The following C4orf50 variants were observed in gnomAD, a reference collection of about 807,000 sequenced individuals.
C4orf50 encodes uncharacterized protein C4orf50.
In C4orf50, 80 loss-of-function variants were observed where a neutral mutation model predicts 77.2. The ratio of observed to expected loss-of-function variants is 1.04; its 90% CI spans 0.87 to 1.25. The LOEUF is 1.25. Among genes scored for constraint, C4orf50 ranks in the 50% most tolerant of loss-of-function variants. The pLI is 0.00. For missense variants in C4orf50, 1,257 were observed against 1,152.9 expected, an observed-to-expected ratio of 1.09 and a Z score of -1.31; for synonymous variants, 532 against 465.3, an observed-to-expected ratio of 1.14 and a Z score of -1.84.
intron 28 of C4orf50, among the ~76,000 whole-genome samples, chr4:5,982,025 TA>T (rs1720618288): frequency 6.6e-6 from 1 of 152,112 alleles, no homozygotes; most frequent in African/African-American, 2.4e-5. Flanking sequence ...GCATCTCTCA[TA>T]ATAAAATATA....
At chr4:5,967,049 T>C (rs1159186285) in intron 32 of C4orf50, among the ~76,000 whole-genome samples, 1 of 152,194 alleles carries the variant, frequency 6.6e-6, no homozygotes, top group Non-Finnish European at 1.5e-5. Context: ...TTTCACTGAT[T>C]ATATGGGTTC....
chr4:5,957,769 C>G (rs188949006), exon 34 of C4orf50: 109 of 152,140 alleles, frequency 7.2e-4, no homozygotes, highest in Non-Finnish European at 3.7e-4. Flanking sequence ...ACCCCATAAA[C>G]GAATTTAAAG....
chr4:6,016,699 A>G (rs1207241503), intron 23 of C4orf50, among the ~76,000 whole-genome samples: 2 of 152,222 alleles, frequency 1.3e-5, no homozygotes, highest in African/African-American at 4.8e-5. Context: ...AACTTTGTAT[A>G]TGACTCTCGG....
At chr4:5,931,670 G>T (rs190009727) in intron 7 of C4orf50, among the ~76,000 whole-genome samples, 1 of 152,072 alleles carries the variant, frequency 6.6e-6, no homozygotes, top group African/African-American at 2.4e-5. Flanking sequence ...GATGTCTGAC[G>T]GGGAGGCCCA....
rs115853220 is a variant in C4orf50 at position 5,979,224 on chromosome 4, C to T, written c.3864+950G>A. Among the ~76,000 whole-genome samples, 653 of 151,950 alleles carry T rather than the reference C, an allele frequency of 4.3e-3. 4 individuals are homozygous for T. The highest frequency in any genetic ancestry group is 6.8e-3 in the Non-Finnish European group (464 of 67,984). ...TTAGATATACAGCAGAAGTATATGC[C>T]GAGAGAGAAATAAAAATGTTCATTG... On this transcript the variant is annotated intron_variant, in intron 29 of 33. Coordinates refer to ENST00000531445, the Ensembl canonical transcript of C4orf50.
chr4:6,004,225 TGTGATGGTGA>T (rs1722079097), intron 25 of C4orf50, among the ~76,000 whole-genome samples: 1 of 33,280 alleles, frequency 3.0e-5, no homozygotes. Flanking sequence ...ATGGTGATGA[TGTGATGGTGA>T]TGATGATGGT....
At chr4:5,921,950 T>C (rs1717293583) in intron 7 of C4orf50, among the ~76,000 whole-genome samples, 1 of 152,078 alleles carries the variant, frequency 6.6e-6, no homozygotes, top group South Asian at 2.1e-4. Flanking sequence ...GCAGAGTGTC[T>C]CTCTGATCCC....
intron 25 of C4orf50, among the ~76,000 whole-genome samples, chr4:6,001,211 C>G (rs1042333149): frequency 8.5e-5 from 13 of 152,116 alleles, no homozygotes; most frequent in African/African-American, 3.1e-4. Context: ...TGCAATGGCG[C>G]GATCTCAGCT....
In C4orf50 at chr4:6,008,405, C is replaced by T. The variant is rs905102462; in HGVS notation, c.554G>A (p.Arg185Gln). The change falls in exon 25 of 34, where the codon CGG becomes CAG. Residue 185 changes from arginine to glutamine, a missense_variant. Physicochemically the swap from Arg to Gln is conservative, Grantham distance 43. Transcript: ENST00000531445. This position sits in a 1 kb window ranked among gnomAD's most constrained non-coding sequence, Gnocchi z 6.0. ...CTCCCGCACCAGGCCCAGCTGGCGC[C>T]GCTGGGTCCGCCGGCAGCGCTCCAG... 1.5e-5 allele frequency: 6 copies of T among 394,402 alleles called. No homozygotes were observed. Among genetic ancestry groups the T allele is most frequent in the Non-Finnish European group, 2.2e-5 (5 of 223,448 alleles). The allele number at this position is 394,402 out of a possible 1,614,324, so 24.4% of individuals were successfully genotyped here.
chr4:5,995,402 C>T (rs2108796658), intron 25 of C4orf50, among the ~76,000 whole-genome samples: 1 of 152,072 alleles, frequency 6.6e-6, no homozygotes, highest in Non-Finnish European at 1.5e-5. Flanking sequence ...CCAGCTGCCG[C>T]CCTGCTGCAG....
rs1228915938 is a variant in C4orf50, at chr4:6,017,764, C to G, written c.287+381G>C. On this transcript the variant is annotated intron_variant, in intron 23 of 33. Transcript: ENST00000531445. This position sits in a 1 kb window ranked among gnomAD's most constrained non-coding sequence, Gnocchi z 4.7. ...CAAACCGACCAACTGGATTTGTCTG[C>G]CTCTGTCCTTGGTTTCTCAGTTCCT... Among the ~76,000 whole-genome samples, 1 of 152,180 alleles carries G rather than the reference C, an allele frequency of 6.6e-6. No homozygotes were observed. The highest frequency in any genetic ancestry group is 1.5e-5 in the Non-Finnish European group (1 of 68,028).
intron 29 of C4orf50, among the ~76,000 whole-genome samples, chr4:5,977,601 GT>G (rs35751870): frequency 0.19 from 28,836 of 152,112 alleles, 2,842 homozygotes; most frequent in African/African-American, 0.23. Flanking sequence ...CCAGTTCCTT[GT>G]TTATGGAAAT....
chr4:5,933,556 C>A (rs188610079), intron 7 of C4orf50, among the ~76,000 whole-genome samples: 87 of 152,180 alleles, frequency 5.7e-4, no homozygotes, highest in Non-Finnish European at 1.0e-3. Context: ...TCCCTGAGGG[C>A]TGGAGCTATG....
Position 6,008,032 on chromosome 4 carries a change from C to G in C4orf50, c.927G>C (p.Glu309Asp). 1 of 399,334 alleles carries G rather than the reference C, an allele frequency of 2.5e-6. No individual in the cohort carries two copies. The highest frequency in any genetic ancestry group is 2.1e-5 in the African/African-American group (1 of 48,772). The allele number at this position is 399,334 out of a possible 1,614,324, so 24.7% of individuals were successfully genotyped here. A position where few individuals can be genotyped will look rare whatever the true frequency, so the allele number is the denominator to read the frequency against. The stretch of plus-strand genomic sequence containing the variant: ...GACCAATAGGGGCCTGGGCTCCCAG[C>G]TCCTCTCGCAGGCACTGGTTTTGCT... The change falls in exon 25 of 34, where the codon GAG (glutamate) becomes GAC (aspartate). Residue 309 changes from glutamate to aspartate, a missense_variant. Coordinates refer to ENST00000531445, the Ensembl canonical transcript of C4orf50. The surrounding 1 kb of genome is among the most constrained non-coding windows in gnomAD (Gnocchi z 6.0).
intron 7 of C4orf50, among the ~76,000 whole-genome samples, chr4:5,925,069 C>G (rs1717454157): frequency 6.6e-6 from 1 of 152,008 alleles, no homozygotes; most frequent in Non-Finnish European, 1.5e-5. Context: ...AGGAGAGGAC[C>G]AGGAAGCTGC....
chr4:5,996,848 G>A (rs1238381653), intron 25 of C4orf50, among the ~76,000 whole-genome samples: 3 of 152,230 alleles, frequency 2.0e-5, no homozygotes, highest in African/African-American at 4.8e-5. Flanking sequence ...GGGCCTTGCT[G>A]GCTGCTGCAG....
intron 7 of C4orf50, among the ~76,000 whole-genome samples, chr4:5,942,975 C>T (rs928794527): frequency 2.0e-5 from 3 of 152,050 alleles, no homozygotes; most frequent in Non-Finnish European, 2.9e-5. Flanking sequence ...CACTCAAATA[C>T]GTATATATTA....
chr4:5,915,897 C>T (rs1467147287), intron 7 of C4orf50, among the ~76,000 whole-genome samples: 1 of 152,182 alleles, frequency 6.6e-6, no homozygotes, highest in Non-Finnish European at 1.5e-5. Flanking sequence ...TCCTTTTAGG[C>T]TACACTTACC....
chr4:5,949,962 CTGGG>C (rs1183025998), intron 7 of C4orf50, among the ~76,000 whole-genome samples: 1 of 136,332 alleles, frequency 7.3e-6, no homozygotes, highest in East Asian at 2.0e-4. Flanking sequence ...GCACTCCAGC[CTGGG>C]CAACAAGAGT....
Sources: gnomAD v4.1 joint callset for allele counts (sites outside exome capture counted in the v4.1 genomes callset) on GRCh38, gnomAD v4.1.1 for gene constraint, Gnocchi (gnomAD v3.1) non-coding constraint, MANE v1.5 for transcripts, NCBI Gene and HGNC (gene_info 2026-07-23, HGNC 2026-07-21) for gene names.